Variants in CGRRF1 observed in about 807,000 individuals in gnomAD.
CGRRF1 encodes the protein cell growth regulator with RING finger domain protein 1.
In CGRRF1, 32 loss-of-function variants were observed where a neutral mutation model predicts 37.2. The ratio of observed to expected loss-of-function variants is 0.86; its 90% CI spans 0.65 to 1.16. The LOEUF (loss-of-function observed/expected upper bound fraction) is 1.16, where lower values mean the gene tolerates loss of function less well. Among genes scored for constraint, CGRRF1 ranks in the 50% most tolerant of loss-of-function variants. CGRRF1 has a pLI of 0.00. For synonymous variants in CGRRF1, 141 were observed against 140.3 expected, an observed-to-expected ratio of 1.00 and a Z score of -0.04; for missense variants, 391 against 382.6, an observed-to-expected ratio of 1.02 and a Z score of -0.18.
chr14:54,535,359 T>TCACACACACACACACACACACACA lies in CGRRF1; in HGVS notation c.571-2351_571-2328dup, dbSNP rs143950400. The stretch of plus-strand genomic sequence containing the variant: ...ACATGAGCATTTTTGAAGGGTATAG[T>TCACACACACACACACACACACACA]CACACACACACACACACACACACAC... On this transcript the variant is annotated intron_variant, in intron 4 of 5. Transcript: ENST00000216420. Among the ~76,000 whole-genome samples, 18 of 140,588 alleles carry TCACACACACACACACACACACACA rather than the reference T, an allele frequency of 1.3e-4. No individual in the cohort carries two copies. The East Asian group carries it at 2.2e-3, about 17-fold the overall frequency. The allele number at this position is 140,588 out of a possible 152,430, so 92.2% of individuals were successfully genotyped here. A position where few individuals can be genotyped will look rare whatever the true frequency, so the allele number is the denominator to read the frequency against.
intron 2 of CGRRF1, among the ~76,000 whole-genome samples, chr14:54,525,329 A>T (rs2032394477): frequency 1.3e-5 from 2 of 152,240 alleles, no homozygotes; most frequent in South Asian, 4.1e-4. Context: ...TTCAGGCAGA[A>T]ATAGTCACAA....
At chr14:54,521,385 C>T (rs937646719) in intron 1 of CGRRF1, among the ~76,000 whole-genome samples, 62 of 151,340 alleles carry the variant, frequency 4.1e-4, no homozygotes, top group African/African-American at 1.4e-3. Context: ...TGCTTTAACC[C>T]GGGAGGCAGA....
Position 54,538,296 on chromosome 14 carries a change from G to A in CGRRF1, c.912G>A (p.Gln304=). 6.2e-7 allele frequency: 1 copy of A among 1,614,190 alleles called. No individual in the cohort carries two copies. Residue 304 remains glutamine (Q), a synonymous_variant, in exon 6 of 6, where the codon CAG becomes CAA. Coordinates refer to ENST00000216420, the MANE Select transcript of CGRRF1 (RefSeq NM_006568.3). ...LCDGCVKYFQ[Q]CPMCRQFVQE... is the part of the protein sequence containing the mutation. ...ATGGCTGTGTGAAGTATTTTCAGCA[G>A]TGCCCAATGTGCAGGCAGTTTGTTC...
At chr14:54,528,669 TAAATA>T (rs1338952348) in intron 2 of CGRRF1, among the ~76,000 whole-genome samples, 5 of 152,346 alleles carry the variant, frequency 3.3e-5, no homozygotes, top group African/African-American at 1.2e-4. Flanking sequence ...TGTGTATGTA[TAAATA>T]AAATGTTTTC....
intron 4 of CGRRF1, 34 bp from the exon 5 acceptor site, chr14:54,537,688 T>C: frequency 1.4e-6 from 2 of 1,458,314 alleles, no homozygotes; most frequent in Non-Finnish European, 1.8e-6. Context: ...TATAAAGATT[T>C]TAAGTACTGA....
chr14:54,521,318 GGGCATGGT>G (rs1212029184), intron 1 of CGRRF1, among the ~76,000 whole-genome samples: 2 of 151,624 alleles, frequency 1.3e-5, no homozygotes, highest in African/African-American at 4.8e-5. Flanking sequence ...AAAATTACCT[GGGCATGGT>G]GGCACATGCC....
intron 1 of CGRRF1, among the ~76,000 whole-genome samples, chr14:54,518,412 T>C (rs1027361509): frequency 2.6e-5 from 4 of 151,878 alleles, no homozygotes; most frequent in Non-Finnish European, 5.9e-5. Flanking sequence ...TAGCCAGGCG[T>C]GGTGGTGCAT....
chr14:54,515,726 A>G (rs1452743047), intron 1 of CGRRF1, among the ~76,000 whole-genome samples: 5 of 152,152 alleles, frequency 3.3e-5, no homozygotes, highest in African/African-American at 1.2e-4. Context: ...GTATTAATGT[A>G]GCTACTTCAG....
In CGRRF1 at chr14:54,510,064, G is replaced by GTT; in HGVS notation, c.104+2_104+3insTT. The GTT allele has an allele frequency of 6.2e-7, 1 of 1,602,210 alleles. No individual in the cohort carries two copies. The highest frequency in any genetic ancestry group is 8.6e-7 in the Non-Finnish European group (1 of 1,169,362). On this transcript the variant is annotated splice_donor_variant, in intron 1 of 5. Coordinates refer to ENST00000216420, the MANE Select transcript of CGRRF1 (RefSeq NM_006568.3). LOFTEE classifies it high-confidence loss of function. ...TGACCACCGGCCTGGTATTGGGATG[G>GTT]TAAGTGTCCCAGGGGTGAGAGACGA...
At chr14:54,521,865 C>T (rs79628431) in intron 1 of CGRRF1, among the ~76,000 whole-genome samples, 1 of 152,118 alleles carries the variant, frequency 6.6e-6, no homozygotes, top group East Asian at 1.9e-4. Context: ...TCAATAAGTT[C>T]ATCATGTGTT....
intron 2 of CGRRF1, among the ~76,000 whole-genome samples, chr14:54,528,162 T>G (rs1190374286): frequency 6.6e-6 from 1 of 152,038 alleles, no homozygotes; most frequent in East Asian, 1.9e-4. Flanking sequence ...ATTCTGAAGA[T>G]CATTTCATAA....
In CGRRF1 at chr14:54,533,612, G is replaced by A. The variant is rs988927332; in HGVS notation, c.570+2562G>A. ...TGTTTTTTCAGTATTGTATGTGCGT[G>A]TCAGGGACTATATTTTTTTAAAAAA... On this transcript the variant is annotated intron_variant, in intron 4 of 5. Coordinates refer to ENST00000216420, the MANE Select transcript of CGRRF1 (RefSeq NM_006568.3). Among the ~76,000 whole-genome samples, 8 of 151,664 alleles carry A rather than the reference G, an allele frequency of 5.3e-5. No homozygotes were observed. In the South Asian group the frequency reaches 1.7e-3, roughly 32 times the overall value.
chr14:54,511,311 A>G (rs773002728), intron 1 of CGRRF1, among the ~76,000 whole-genome samples: 3 of 152,174 alleles, frequency 2.0e-5, no homozygotes, highest in Non-Finnish European at 4.4e-5. Flanking sequence ...GGAAATACAA[A>G]TTCCTTATTT....
At chr14:54,535,049 T>C (rs2032578021) in intron 4 of CGRRF1, among the ~76,000 whole-genome samples, 1 of 152,164 alleles carries the variant, frequency 6.6e-6, no homozygotes, top group African/African-American at 2.4e-5. Flanking sequence ...CACATATATA[T>C]GATCGTATAT....
intron 2 of CGRRF1, among the ~76,000 whole-genome samples, chr14:54,526,841 C>T (rs554232703): frequency 1.3e-5 from 2 of 152,326 alleles, no homozygotes; most frequent in South Asian, 2.1e-4. Flanking sequence ...TCTCCCAATA[C>T]TCTGGCTTTA....
Position 54,538,107 on chromosome 14 carries a change from TTCC to T in CGRRF1, c.726_728del (p.Ser244del). On this transcript the variant is annotated inframe_deletion, in exon 6 of 6. Coordinates refer to ENST00000216420, the MANE Select transcript of CGRRF1 (RefSeq NM_006568.3). Reference sequence around the variant, plus strand: ...ATAATAATTTCACTCCCTCCAACAATTCCTCTTCAGAAGAAAAAAACACAGACA... The same window carrying T: ...ATAATAATTTCACTCCCTCCAACAATTCTTCAGAAGAAAAAAACACAGACA... 1 of 1,613,906 alleles carries T rather than the reference TTCC, an allele frequency of 6.2e-7. No homozygotes were observed. The highest frequency in any genetic ancestry group is 1.6e-4 in the Middle Eastern group (1 of 6,062).
chr14:54,523,923 T>G (rs911615002), intron 2 of CGRRF1, among the ~76,000 whole-genome samples: 3 of 152,208 alleles, frequency 2.0e-5, no homozygotes, highest in Admixed American at 1.3e-4. Context: ...TGAAAACAAA[T>G]AAGCCAGATC....
chr14:54,530,708 C>T (rs2032498504), intron 3 of CGRRF1, 195 bp from the exon 4 acceptor site: 1 of 849,150 alleles, frequency 1.2e-6, no homozygotes, highest in East Asian at 2.5e-5. Flanking sequence ...AATAAGCACT[C>T]CTCAAGCATT....
At chr14:54,510,214 G>C (rs1042269351) in intron 1 of CGRRF1, 151 bp downstream of exon 1, 2 of 622,070 alleles carry the variant, frequency 3.2e-6, no homozygotes, top group African/African-American at 1.8e-5. Context: ...ACTTTCTCTG[G>C]GAGGAAAACA....
Sources: allele counts gnomAD v4.1 joint callset (sites outside exome capture counted in the v4.1 genomes callset), GRCh38; gene constraint gnomAD v4.1.1; transcripts MANE v1.5; gene names NCBI Gene and HGNC (gene_info 2026-07-23, HGNC 2026-07-21).